MCU: variants seen among roughly 807,000 people sequenced by gnomAD.
MCU encodes the protein mitochondrial calcium uniporter, also known as calcium uniporter protein, mitochondrial.
MCU carries 12 observed loss-of-function variants against 45.2 expected under a neutral mutation model. That is an observed-to-expected ratio of 0.27 (90% CI 0.17 to 0.43). The LOEUF is 0.43. MCU is among the 20% of genes least tolerant of loss of function. The pLI is 1.00. For synonymous variants in MCU, 160 were observed against 165.1 expected (o/e 0.97, Z 0.24); for missense variants, 324 against 436.7 (o/e 0.74, Z 2.30).
At chr10:72,821,368 G>T (rs7910161) in intron 1 of MCU, among the ~76,000 whole-genome samples, 79,465 of 151,896 alleles carry the variant, frequency 0.52, 22,703 homozygotes, top group Non-Finnish European at 0.67. Flanking sequence ...TGTTTAAATA[G>T]TATGATTTAT....
intron 2 of MCU, among the ~76,000 whole-genome samples, chr10:72,835,325 C>T (rs868400685): frequency 1.3e-5 from 2 of 152,080 alleles, no homozygotes; most frequent in Non-Finnish European, 2.9e-5. Context: ...TTCTCTTACC[C>T]GGTATTGTGC....
At chr10:72,854,869 C>T (rs1485575380) in intron 2 of MCU, among the ~76,000 whole-genome samples, 33 of 152,158 alleles carry the variant, frequency 2.2e-4, no homozygotes, top group Non-Finnish European at 1.5e-5. Flanking sequence ...TCTTATGACC[C>T]ACAGAGTCTA....
At chr10:72,742,715 T>C (rs1843352173) in intron 1 of MCU, among the ~76,000 whole-genome samples, 1 of 152,170 alleles carries the variant, frequency 6.6e-6, no homozygotes, top group East Asian at 1.9e-4. Flanking sequence ...TTTAAGAGTA[T>C]GTGGCCCATG....
At chr10:72,875,486 A>T (rs934259077) in intron 6 of MCU, among the ~76,000 whole-genome samples, 1 of 152,210 alleles carries the variant, frequency 6.6e-6, no homozygotes, top group African/African-American at 2.4e-5. Flanking sequence ...GTAGTAAATA[A>T]TTTAGTCACT....
At chr10:72,767,414 A>G (rs953230562) in intron 1 of MCU, among the ~76,000 whole-genome samples, 6 of 152,156 alleles carry the variant, frequency 3.9e-5, no homozygotes, top group Non-Finnish European at 5.9e-5. Context: ...TTGTGAGGAG[A>G]ATGAAAATAT....
intron 1 of MCU, among the ~76,000 whole-genome samples, chr10:72,804,075 A>ATATAT (rs1844390645): frequency 3.6e-5 from 2 of 56,026 alleles, no homozygotes; most frequent in Non-Finnish European, 6.7e-5. Context: ...TATATATATA[A>ATATAT]AATAAGAGTG....
At chr10:72,753,352 C>G (rs1843528875) in intron 1 of MCU, among the ~76,000 whole-genome samples, 1 of 152,016 alleles carries the variant, frequency 6.6e-6, no homozygotes, top group African/African-American at 2.4e-5. Context: ...TACCAAGAAC[C>G]CTTTATATTT....
At chr10:72,842,147 G>A (rs565536149) in intron 2 of MCU, among the ~76,000 whole-genome samples, 28 of 152,250 alleles carry the variant, frequency 1.8e-4, no homozygotes, top group Middle Eastern at 6.8e-3. Flanking sequence ...GCGTGGTGGC[G>A]CACACCTGTA....
At position 72,696,551 on chromosome 10, in the gene MCU, G is replaced by A. The variant is rs1355734763; in HGVS notation, c.150+4250G>A. On this transcript the variant is annotated intron_variant, in intron 1 of 7. Coordinates refer to ENST00000373053, the MANE Select transcript of MCU (RefSeq NM_138357.3). ...TCTATTGTTGTCTTCTGTCCTCTCTGAATTCTGATGGGATTTATTATCTTT... is the reference window on the plus strand; with the variant it reads ...TCTATTGTTGTCTTCTGTCCTCTCTAAATTCTGATGGGATTTATTATCTTT... 2.0e-5 allele frequency among the ~76,000 whole-genome samples: 3 copies of A among 152,038 alleles called. No individual in the cohort carries two copies. In the East Asian group the frequency reaches 5.8e-4, roughly 29 times the overall value.
chr10:72,884,196 C>A, intron 6 of MCU, 70 bp from the exon 7 acceptor site: 1 of 905,762 alleles, frequency 1.1e-6, no homozygotes, highest in South Asian at 1.4e-5. Flanking sequence ...TGAATCTAAG[C>A]AGCAGTTAGT....
At chr10:72,826,355 A>G (rs150599643) in intron 1 of MCU, among the ~76,000 whole-genome samples, 25 of 152,364 alleles carry the variant, frequency 1.6e-4, no homozygotes, top group African/African-American at 6.0e-4. Context: ...GAATAGACAC[A>G]AATGTAACTA....
chr10:72,881,234 A>G (rs577453468), intron 6 of MCU, among the ~76,000 whole-genome samples: 3 of 152,374 alleles, frequency 2.0e-5, no homozygotes, highest in South Asian at 4.1e-4. Flanking sequence ...ACCCCATTTT[A>G]TACTATAAAC....
intron 1 of MCU, among the ~76,000 whole-genome samples, chr10:72,781,615 G>C (rs1167399203): frequency 6.6e-6 from 1 of 152,208 alleles, no homozygotes; most frequent in Non-Finnish European, 1.5e-5. Flanking sequence ...CAAAACTTAA[G>C]CAGATGTTTT....
intron 1 of MCU, among the ~76,000 whole-genome samples, chr10:72,708,094 T>G (rs994694796): frequency 1.1e-4 from 17 of 152,262 alleles, no homozygotes; most frequent in South Asian, 2.1e-4. Context: ...GTGTATTTGC[T>G]TATTCTCACA....
In MCU at chr10:72,692,787, G is replaced by A. The variant is rs1355004131; in HGVS notation, c.150+486G>A. On this transcript the variant is annotated intron_variant, in intron 1 of 7. Coordinates refer to ENST00000373053, the MANE Select transcript of MCU (RefSeq NM_138357.3). ...CTGCTGGGAGCTGCCCCGGAGAGCA[G>A]CCCAGGACCCCGGCGGGGCCGCCCC... is the stretch of plus-strand genomic sequence containing the variant. 1.3e-5 allele frequency: 18 copies of A among 1,409,826 alleles called. No homozygotes were observed. In the South Asian group the frequency reaches 2.8e-4, roughly 22 times the overall value. 87.3% of individuals were successfully genotyped at this position (1,409,826 alleles called of 1,614,324 possible). A position where few individuals can be genotyped will look rare whatever the true frequency, so the allele number is the denominator to read the frequency against.
chr10:72,871,297 C>T, intron 5 of MCU, 80 bp from the exon 6 acceptor site: 1 of 1,274,420 alleles, frequency 7.8e-7, no homozygotes, highest in Non-Finnish European at 1.1e-6. Flanking sequence ...AGCCCTGTTT[C>T]TTTAGTGAAC....
chr10:72,739,183 T>C (rs1280666682), intron 1 of MCU, among the ~76,000 whole-genome samples: 1 of 152,186 alleles, frequency 6.6e-6, no homozygotes, highest in Non-Finnish European at 1.5e-5. Flanking sequence ...TAATGTGCCT[T>C]AACATTTTTT....
intron 6 of MCU, among the ~76,000 whole-genome samples, chr10:72,872,465 T>C (rs1845558798): frequency 6.6e-6 from 1 of 152,332 alleles, no homozygotes. Flanking sequence ...TGGGTTCAAC[T>C]TCTATGGGAT....
chr10:72,804,147 C>T (rs1405848742), intron 1 of MCU, among the ~76,000 whole-genome samples: 1 of 145,174 alleles, frequency 6.9e-6, no homozygotes, highest in East Asian at 2.1e-4. Context: ...AGTGCAATGG[C>T]ACAGTCTTGG....
Sources: allele counts gnomAD v4.1 joint callset (sites outside exome capture counted in the v4.1 genomes callset), GRCh38; gene constraint gnomAD v4.1.1; transcripts MANE v1.5; gene names NCBI Gene and HGNC (gene_info 2026-07-23, HGNC 2026-07-21).